Variants in NRG3 observed in about 807,000 individuals in gnomAD.
NRG3 encodes pro-neuregulin-3, membrane-bound isoform.
Under a neutral mutation model 66.9 loss-of-function variants are expected in NRG3, and 31 were observed. The ratio of observed to expected loss-of-function variants is 0.46; its 90% CI spans 0.35 to 0.63. NRG3 has a LOEUF of 0.63. Among genes scored for constraint, NRG3 ranks in the 20% least tolerant of loss-of-function variants. The pLI is 0.00. For missense variants in NRG3, 910 were observed against 878.9 expected (o/e 1.04, Z -0.45); for synonymous variants, 393 against 359.4 (o/e 1.09, Z -1.06).
intron 1 of NRG3, among the ~76,000 whole-genome samples, chr10:81,888,649 AGT>A (rs1842795108): frequency 1.3e-5 from 2 of 152,054 alleles, no homozygotes; most frequent in Non-Finnish European, 2.9e-5. Flanking sequence ...TAAAGGTAGA[AGT>A]TTGCATGTAC....
intron 1 of NRG3, among the ~76,000 whole-genome samples, chr10:82,122,098 T>C (rs1440833537): frequency 3.9e-5 from 6 of 152,170 alleles, no homozygotes; most frequent in African/African-American, 1.4e-4. Context: ...ACAATAGCAC[T>C]GACTCTTGAG....
At chr10:82,391,660 G>A (rs2086373727) in intron 2 of NRG3, among the ~76,000 whole-genome samples, 1 of 152,096 alleles carries the variant, frequency 6.6e-6, no homozygotes, top group South Asian at 2.1e-4. Context: ...ATGCAGATGA[G>A]GATAATGCCC....
chr10:82,924,541 C>T (rs530383323), intron 4 of NRG3, among the ~76,000 whole-genome samples: 5 of 148,772 alleles, frequency 3.4e-5, no homozygotes, highest in East Asian at 4.0e-4. Context: ...ATCTGATTTT[C>T]GAAGTCTTCT....
At chr10:82,084,784 T>C (rs1465098373) in intron 1 of NRG3, among the ~76,000 whole-genome samples, 4 of 152,224 alleles carry the variant, frequency 2.6e-5, no homozygotes, top group African/African-American at 9.6e-5. Flanking sequence ...TTCCAGGATA[T>C]GGTTGTATCT....
At chr10:82,707,564 T>G (rs1303164199) in intron 2 of NRG3, among the ~76,000 whole-genome samples, 10 of 45,014 alleles carry the variant, frequency 2.2e-4, no homozygotes, top group South Asian at 1.5e-3. Context: ...TAATTGTTTG[T>G]TTTTGTTTTT....
chr10:82,439,256 C>A (rs1001658564), intron 2 of NRG3, among the ~76,000 whole-genome samples: 1 of 152,004 alleles, frequency 6.6e-6, no homozygotes, highest in African/African-American at 2.4e-5. Context: ...GTATTAAATG[C>A]ATATATTAGT....
chr10:82,667,343 G>C (rs1399192121), intron 2 of NRG3, among the ~76,000 whole-genome samples: 1 of 152,136 alleles, frequency 6.6e-6, no homozygotes, highest in African/African-American at 2.4e-5. Flanking sequence ...CATGCCTCGG[G>C]TGTGAGGCAG....
At chr10:82,513,177 G>T (rs1251221491) in intron 2 of NRG3, among the ~76,000 whole-genome samples, 1 of 152,108 alleles carries the variant, frequency 6.6e-6, no homozygotes, top group Non-Finnish European at 1.5e-5. Flanking sequence ...TCATTGTTCA[G>T]CTCTCACTTG....
At chr10:82,279,267 G>A (rs1234263738) in intron 1 of NRG3, among the ~76,000 whole-genome samples, 2 of 152,118 alleles carry the variant, frequency 1.3e-5, no homozygotes, top group African/African-American at 4.8e-5. Flanking sequence ...TGGAAGATGA[G>A]TGTCATTTTG....
chr10:82,981,289 C>T (rs370946039), intron 8 of NRG3, among the ~76,000 whole-genome samples: 30 of 152,314 alleles, frequency 2.0e-4, no homozygotes, highest in African/African-American at 6.7e-4. Context: ...AATATTCTCT[C>T]CAGTTGCCTG....
intron 2 of NRG3, among the ~76,000 whole-genome samples, chr10:82,447,484 A>G (rs2090793994): frequency 6.6e-6 from 1 of 152,208 alleles, no homozygotes; most frequent in African/African-American, 2.4e-5. Flanking sequence ...TAATCAGTGC[A>G]TATATGTTCT....
chr10:82,186,212 T>G (rs2073799003), intron 1 of NRG3, among the ~76,000 whole-genome samples: 2 of 152,172 alleles, frequency 1.3e-5, no homozygotes, highest in Non-Finnish European at 2.9e-5. Flanking sequence ...AGATAATATC[T>G]TATTCCTTTT....
At chr10:82,146,580 C>T (rs546230299) in intron 1 of NRG3, among the ~76,000 whole-genome samples, 2 of 152,214 alleles carry the variant, frequency 1.3e-5, no homozygotes, top group African/African-American at 4.8e-5. Flanking sequence ...CCCCCAACAG[C>T]GTGCACCCTG....
At chr10:82,029,062 A>C in intron 1 of NRG3, among the ~76,000 whole-genome samples, 1 of 152,150 alleles carries the variant, frequency 6.6e-6, no homozygotes, top group Admixed American at 6.5e-5. Flanking sequence ...TAGAAAAATT[A>C]GCCAGGCATG....
Position 82,233,001 on chromosome 10 carries a change from T to C in NRG3, c.824-125738T>C. 5.2e-6 allele frequency: 3 copies of C among 575,006 alleles called. No homozygotes were observed. In the South Asian group the frequency reaches 7.0e-5, roughly 13 times the overall value. The allele number at this position is 575,006 out of a possible 1,614,324, so 35.6% of individuals were successfully genotyped here. A position where few individuals can be genotyped will look rare whatever the true frequency, so the allele number is the denominator to read the frequency against. ...AGAAGAATATTGTTTCCAGGGTATG[T>C]GGGCAAGGTAGAGGAAATGTGGCTC... is the stretch of plus-strand genomic sequence containing the variant. On this transcript the variant is annotated intron_variant, in intron 1 of 8. Transcript: ENST00000372141.
intron 2 of NRG3, among the ~76,000 whole-genome samples, chr10:82,372,686 C>G (rs2084962086): frequency 6.6e-6 from 1 of 152,148 alleles, no homozygotes; most frequent in Non-Finnish European, 1.5e-5. Flanking sequence ...CTCCACCTCC[C>G]TGGGTCAAGC....
chr10:82,792,785 A>T (rs1387837226), intron 3 of NRG3, among the ~76,000 whole-genome samples: 1 of 152,014 alleles, frequency 6.6e-6, no homozygotes, highest in Non-Finnish European at 1.5e-5. Flanking sequence ...AGTTCAAGCC[A>T]TTCTCCTGCC....
intron 4 of NRG3, among the ~76,000 whole-genome samples, chr10:82,931,032 C>A (rs1436453811): frequency 1.3e-5 from 2 of 151,982 alleles, no homozygotes; most frequent in African/African-American, 4.8e-5. Context: ...GAGGCGATGG[C>A]AAAAAGAAAG....
intron 1 of NRG3, among the ~76,000 whole-genome samples, chr10:82,097,566 C>T (rs1351056407): frequency 6.6e-6 from 1 of 151,168 alleles, no homozygotes; most frequent in Non-Finnish European, 1.5e-5. Context: ...ATATAAAGCT[C>T]TTATGCACAT....
Sources: gnomAD v4.1 joint callset for allele counts (sites outside exome capture counted in the v4.1 genomes callset) on GRCh38, gnomAD v4.1.1 for gene constraint, MANE v1.5 for transcripts, NCBI Gene and HGNC (gene_info 2026-07-23, HGNC 2026-07-21) for gene names.